GYPC: variants seen among roughly 807,000 people sequenced by gnomAD.
The protein encoded by GYPC is glycophorin-C.
In GYPC, 14 loss-of-function variants were observed where a neutral mutation model predicts 12.6. That is an observed-to-expected ratio of 1.11 (90% CI 0.74 to 1.74). The LOEUF (loss-of-function observed/expected upper bound fraction) is 1.74. Ranked by LOEUF, GYPC falls within the 40% of genes most tolerant of loss-of-function variation. The pLI, the probability that GYPC is intolerant of heterozygous loss-of-function variation, is 0.00. For synonymous variants in GYPC, 78 were observed against 62.1 expected (o/e 1.26, Z -1.20); for missense variants, 225 against 172.1 (o/e 1.31, Z -1.72).
At chr2:126,691,927 T>C (rs1384542998) in intron 2 of GYPC, among the ~76,000 whole-genome samples, 3 of 152,184 alleles carry the variant, frequency 2.0e-5, no homozygotes, top group South Asian at 2.1e-4. Context: ...CAAGGTGTTA[T>C]TCTTTCTTTC....
intron 1 of GYPC, chr2:126,658,827 T>C (rs940778314): frequency 1.3e-5 from 2 of 152,250 alleles, no homozygotes; most frequent in African/African-American, 4.8e-5. Context: ...ACCTTGTTAT[T>C]TTCTTTAATC....
intron 2 of GYPC, among the ~76,000 whole-genome samples, chr2:126,693,351 G>A (rs1019875302): frequency 2.6e-5 from 4 of 152,108 alleles, no homozygotes; most frequent in Non-Finnish European, 5.9e-5. Flanking sequence ...GTAGTATGAG[G>A]CCCTCACCAG....
rs145150360 is a variant in GYPC, at chr2:126,668,902, G to C, written c.49+12590G>C. The stretch of plus-strand genomic sequence containing the variant: ...GAATAAAAAGCATCCAGTCTTCCTG[G>C]TGAGAAATTTCTTATCACACGAATT... On this transcript the variant is annotated intron_variant, in intron 1 of 3. Transcript: ENST00000259254. 3.3e-5 allele frequency among the ~76,000 whole-genome samples: 5 copies of C among 152,288 alleles called. No individual in the cohort carries two copies. In the East Asian group the frequency reaches 9.7e-4, roughly 29 times the overall value.
rs536482143 is a variant in GYPC, at chr2:126,696,605, G to A, written c.*463G>A. On this transcript the variant is annotated 3_prime_UTR_variant, in exon 4 of 4. Transcript: ENST00000259254. ...GGAACAGCAGGTGCCAGAGCTAAAA[G>A]GTACCTTTGTCTGCCATTGATCCAG... The A allele has an allele frequency of 1.6e-5, 4 of 250,804 alleles. No homozygotes were observed. In the East Asian group the frequency reaches 4.0e-4, roughly 25 times the overall value. 15.5% of individuals were successfully genotyped at this position (250,804 alleles called of 1,614,324 possible).
At chr2:126,683,745 C>G (rs1351759427) in intron 1 of GYPC, among the ~76,000 whole-genome samples, 1 of 152,144 alleles carries the variant, frequency 6.6e-6, no homozygotes, top group South Asian at 2.1e-4. Flanking sequence ...TTCCAGTTCC[C>G]CTCCTGGGAG....
intron 1 of GYPC, among the ~76,000 whole-genome samples, chr2:126,667,508 A>G (rs1682718871): frequency 1.3e-5 from 2 of 151,748 alleles, no homozygotes; most frequent in South Asian, 4.2e-4. Context: ...GGTTCAAGCA[A>G]TTCTCCTGCC....
In GYPC at chr2:126,696,458, G is replaced by C; in HGVS notation, c.*316G>C. ...CAGGACAACATCAGCTCACTGGCAG[G>C]AAAGTCCTTGTTGAGGGTGAGGGGG... is the stretch of plus-strand genomic sequence containing the variant. On this transcript the variant is annotated 3_prime_UTR_variant, in exon 4 of 4. Coordinates refer to ENST00000259254, the MANE Select transcript of GYPC (RefSeq NM_002101.5). 2.5e-6 allele frequency: 1 copy of C among 394,592 alleles called. No homozygotes were observed. The highest frequency in any genetic ancestry group is 2.2e-5 in the South Asian group (1 of 46,162). The allele number at this position is 394,592 out of a possible 1,614,324, so 24.4% of individuals were successfully genotyped here.
intron 1 of GYPC, among the ~76,000 whole-genome samples, chr2:126,670,932 A>G (rs1239818312): frequency 6.6e-6 from 1 of 152,122 alleles, no homozygotes; most frequent in Non-Finnish European, 1.5e-5. Context: ...GGTGGCCCCC[A>G]AGCCTAAACT....
At chr2:126,686,079 C>T in intron 1 of GYPC, 1 of 985,140 alleles carries the variant, frequency 1.0e-6, no homozygotes, top group Non-Finnish European at 1.2e-6. Flanking sequence ...AGGAGATGGG[C>T]CGGGAAATGT....
At chr2:126,666,406 G>T (rs1682679097) in intron 1 of GYPC, among the ~76,000 whole-genome samples, 1 of 152,210 alleles carries the variant, frequency 6.6e-6, no homozygotes, top group East Asian at 1.9e-4. Context: ...GTTACACTTT[G>T]CTAGGCACTT....
At position 126,696,424 on chromosome 2, in the gene GYPC, T is replaced by G; in HGVS notation, c.*282T>G. On this transcript the variant is annotated 3_prime_UTR_variant, in exon 4 of 4. Coordinates refer to ENST00000259254, the MANE Select transcript of GYPC (RefSeq NM_002101.5). ...GAAAATCTGGGCACATGGGGCCCCC[T>G]GGGCAGTGCAGGACAACATCAGCTC... 2 of 446,236 alleles carry G rather than the reference T, an allele frequency of 4.5e-6. No homozygotes were observed. The highest frequency in any genetic ancestry group is 4.1e-5 in the South Asian group (2 of 48,844). The allele number at this position is 446,236 out of a possible 1,614,324, so 27.6% of individuals were successfully genotyped here. A position where few individuals can be genotyped will look rare whatever the true frequency, so the allele number is the denominator to read the frequency against.
chr2:126,666,535 G>C (rs1170688337), intron 1 of GYPC, among the ~76,000 whole-genome samples: 1 of 152,136 alleles, frequency 6.6e-6, no homozygotes, highest in African/African-American at 2.4e-5. Context: ...GGTTGCAATA[G>C]AGGAGCCAGA....
At chr2:126,656,806 G>A (rs1214494217) in intron 1 of GYPC, among the ~76,000 whole-genome samples, 1 of 152,232 alleles carries the variant, frequency 6.6e-6, no homozygotes, top group Non-Finnish European at 1.5e-5. Flanking sequence ...ACACAGATGC[G>A]AGGGAATCCT....
rs1350433878 is a variant in GYPC, at chr2:126,677,567, A to G, written c.50-12688A>G. 4.2e-5 allele frequency among the ~76,000 whole-genome samples: 6 copies of G among 142,660 alleles called. No individual in the cohort carries two copies. In the East Asian group the frequency reaches 6.0e-4, roughly 14 times the overall value. The allele number at this position is 142,660 out of a possible 152,430, so 93.6% of individuals were successfully genotyped here. Reference sequence around the variant, plus strand: ...TATGTGAGTGTGTGTATGTGAGTGTATGTGTGTGAGTGTGTGAGTGTGTAT... The same window carrying G: ...TATGTGAGTGTGTGTATGTGAGTGTGTGTGTGTGAGTGTGTGAGTGTGTAT... On this transcript the variant is annotated intron_variant, in intron 1 of 3. Transcript: ENST00000259254.
chr2:126,694,512 A>G (rs1238615493), intron 3 of GYPC, among the ~76,000 whole-genome samples: 6 of 152,070 alleles, frequency 3.9e-5, no homozygotes, highest in Non-Finnish European at 7.4e-5. Flanking sequence ...GCTTATTAAT[A>G]ACTCAGGAAA....
Position 126,690,290 on chromosome 2 carries a change from ATGCATACTACCACCAT to A in GYPC, c.90_105del (p.His30GlnfsTer22). On this transcript the variant is annotated frameshift_variant, in exon 2 of 4. Coordinates refer to ENST00000259254, the MANE Select transcript of GYPC (RefSeq NM_002101.5). LOFTEE classifies it high-confidence loss of function. ...GGGGATGGCCTCTGCCTCCACCACA[ATGCATACTACCACCAT>A]TGCAGGTGAGTTCTCATCACAGAGC... The A allele has an allele frequency of 1.2e-6, 2 of 1,612,562 alleles. No individual in the cohort carries two copies. The highest frequency in any genetic ancestry group is 8.5e-7 in the Non-Finnish European group (1 of 1,178,550).
intron 1 of GYPC, among the ~76,000 whole-genome samples, chr2:126,684,292 G>T (rs987174892): frequency 1.3e-5 from 2 of 152,176 alleles, no homozygotes; most frequent in East Asian, 1.9e-4. Context: ...ATGCACATGT[G>T]CTTTATGCAC....
At chr2:126,690,333 T>C (rs2104805498) in intron 2 of GYPC, 22 bp downstream of exon 2, 3 of 1,574,222 alleles carry the variant, frequency 1.9e-6, no homozygotes, top group Non-Finnish European at 2.6e-6. Context: ...TCACAGAGCC[T>C]CACCATAATG....
intron 1 of GYPC, among the ~76,000 whole-genome samples, chr2:126,657,321 G>C (rs1431113194): frequency 6.6e-6 from 1 of 152,230 alleles, no homozygotes; most frequent in African/African-American, 2.4e-5. Context: ...GGCATCAGTG[G>C]TGCTTGGGAG....
Sources: allele counts gnomAD v4.1 joint callset (sites outside exome capture counted in the v4.1 genomes callset), GRCh38; gene constraint gnomAD v4.1.1; transcripts MANE v1.5; gene names NCBI Gene and HGNC (gene_info 2026-07-23, HGNC 2026-07-21).